The following MUC17 variants were observed in gnomAD, a reference collection of about 807,000 sequenced individuals.
The protein encoded by MUC17 is mucin 17, cell surface associated.
A neutral mutation model predicts 170.3 loss-of-function variants in MUC17; 190 were observed. That is an observed-to-expected ratio of 1.12 (90% CI 0.99 to 1.26). MUC17 has a LOEUF of 1.26. MUC17 is among the 50% of genes most tolerant of loss of function. The pLI is 0.00. For synonymous variants in MUC17, 2,325 were observed against 2,002.5 expected (o/e 1.16, Z -4.30); for missense variants, 6,415 against 5,530.0 (o/e 1.16, Z -5.08).
Position 101,041,446 on chromosome 7 carries a change from A to T in MUC17, c.10030A>T (p.Asn3344Tyr). 6.2e-7 allele frequency: 1 copy of T among 1,613,750 alleles called. No homozygotes were observed. The highest frequency in any genetic ancestry group is 8.5e-7 in the Non-Finnish European group (1 of 1,179,934). Residue 3344 changes from asparagine (N) to tyrosine (Y), a missense_variant, in exon 3 of 13, where the codon AAT (asparagine) becomes TAT (tyrosine). Asn to Tyr is a moderately radical substitution (Grantham distance 143, BLOSUM62 -2). Transcript: ENST00000306151. The stretch of plus-strand genomic sequence containing the variant: ...TAGTGAAGGAAGCACTCCACTAACA[A>T]ATATGTCTTTCAGCACCACGCCAGT... ...TYSEGSTPLT[N>Y]MSFSTTPVVS...
Position 101,042,304 on chromosome 7 carries a change from C to G in MUC17, c.10888C>G (p.Pro3630Ala). The G allele has an allele frequency of 6.2e-7, 1 of 1,612,276 alleles. No individual in the cohort carries two copies. The highest frequency in any genetic ancestry group is 2.2e-5 in the East Asian group (1 of 44,694). Residue 3630 changes from proline (P) to alanine (A), a missense_variant, in exon 3 of 13, where the codon CCT (proline) becomes GCT (alanine). Physicochemically the swap from Pro to Ala is conservative, Grantham distance 27. Transcript: ENST00000306151. ...AGTTATCACCCTGCCAATGTCAACT[C>G]CTAGTGAAGTAAGCACTCCATTAAC... Reference protein sequence around the residue: ...PEVITLPMSTPSEVSTPLTIM... With the variant: ...PEVITLPMSTASEVSTPLTIM...
In MUC17 at chr7:101,035,782, C is replaced by A. The variant is rs754371182; in HGVS notation, c.4366C>A (p.Pro1456Thr). ...PTSTPSEGKT[P>T]LKSIPVSNTP... ...CTCAACTCCTAGTGAAGGAAAGACT[C>A]CATTAAAAAGTATACCTGTCAGCAA... Residue 1456 changes from proline (P) to threonine (T), a missense_variant, in exon 3 of 13, where the codon CCA (proline) becomes ACA (threonine). Coordinates refer to ENST00000306151, the MANE Select transcript of MUC17 (RefSeq NM_001040105.2). 1 of 1,609,992 alleles carries A rather than the reference C, an allele frequency of 6.2e-7. No homozygotes were observed. The highest frequency in any genetic ancestry group is 1.7e-5 in the Admixed American group (1 of 59,718).
At chr7:101,030,544 G>C (rs1794260376) in intron 1 of MUC17, among the ~76,000 whole-genome samples, 1 of 151,896 alleles carries the variant, frequency 6.6e-6, no homozygotes, top group African/African-American at 2.4e-5. Flanking sequence ...TATTCTAATA[G>C]GTCATATTCT....
rs1248502287 is a variant in MUC17 at position 101,039,953 on chromosome 7, A to G, written c.8537A>G (p.Lys2846Arg). 4.1e-5 allele frequency: 66 copies of G among 1,613,360 alleles called. 2 individuals are homozygous for G. Among genetic ancestry groups the G allele is most frequent in the Non-Finnish European group, 5.6e-5 (66 of 1,179,774 alleles). Reference sequence around the variant, plus strand: ...AGCACACCTGTGACCACTTCTACTAAAGCCAGTTCATCTCCTACAACTGCT... The same window carrying G: ...AGCACACCTGTGACCACTTCTACTAGAGCCAGTTCATCTCCTACAACTGCT... Reference protein sequence around the residue: ...DTSTPVTTSTKASSSPTTAEG... With the variant: ...DTSTPVTTSTRASSSPTTAEG... Residue 2846 changes from lysine (K) to arginine (R), a missense_variant, in exon 3 of 13, where the codon AAA becomes AGA. By Grantham distance (26) the Lys-to-Arg change is conservative. Coordinates refer to ENST00000306151, the MANE Select transcript of MUC17 (RefSeq NM_001040105.2).
In MUC17 at chr7:101,042,232, C is replaced by T. The variant is rs765724628; in HGVS notation, c.10816C>T (p.Pro3606Ser). 6.2e-7 allele frequency: 1 copy of T among 1,614,180 alleles called. No individual in the cohort carries two copies. The highest frequency in any genetic ancestry group is 2.2e-5 in the East Asian group (1 of 44,874). ...PSTPSVDRST[P>S]VTTSTQSNST... ...CACTCCTTCTGTTGACAGAAGCACA[C>T]CTGTGACCACTTCTACTCAGAGCAA... The change falls in exon 3 of 13, where the codon CCT becomes TCT. Residue 3606 changes from proline (P) to serine (S), a missense_variant. Transcript: ENST00000306151.
rs754855782 is a variant in MUC17, at chr7:101,040,001, C to A, written c.8585C>A (p.Ser2862Ter). ...GCTGAAGGTATCGTCGTGCCAATCT[C>A]AACTGCTAGTGAAGGAAGTACTCTA... ...TTAEGIVVPISTASEGSTLLT... is the reference protein window; with the variant it reads ...TTAEGIVVPI Residue 2862 changes from serine to a stop codon, truncating the protein, a stop_gained, in exon 3 of 13, where the codon TCA becomes TAA. Transcript: ENST00000306151. LOFTEE classifies it high-confidence loss of function. 1.2e-6 allele frequency: 2 copies of A among 1,613,306 alleles called. No homozygotes were observed. The highest frequency in any genetic ancestry group is 4.5e-5 in the East Asian group (2 of 44,866).
In MUC17 at chr7:101,033,194, C is replaced by T. The variant is rs775324458; in HGVS notation, c.1778C>T (p.Thr593Ile). The stretch of plus-strand genomic sequence containing the variant: ...TCTGAGGCTAGCACCACTTCAACAA[C>T]TCCTGCTGACTCCAACACTTTTGTG... ...VSSEASTTST[T>I]PADSNTFVTT... The change falls in exon 3 of 13, where the codon ACT becomes ATT. Residue 593 changes from threonine to isoleucine, a missense_variant. Physicochemically the swap from Thr to Ile is moderately conservative, Grantham distance 89. Coordinates refer to ENST00000306151, the MANE Select transcript of MUC17 (RefSeq NM_001040105.2). 6 of 1,613,962 alleles carry T rather than the reference C, an allele frequency of 3.7e-6. No individual in the cohort carries two copies. The highest frequency in any genetic ancestry group is 1.3e-5 in the African/African-American group (1 of 74,902).
rs745875181 is a variant in MUC17 at position 101,037,115 on chromosome 7, C to T, written c.5699C>T (p.Thr1900Ile). 1.9e-6 allele frequency: 3 copies of T among 1,586,744 alleles called. No individual in the cohort carries two copies. Among genetic ancestry groups the T allele is most frequent in the Non-Finnish European group, 2.5e-6 (3 of 1,178,706 alleles). The change falls in exon 3 of 13, where the codon ACT becomes ATT. Residue 1900 changes from threonine (T) to isoleucine (I), a missense_variant. By Grantham distance (89) the Thr-to-Ile change is moderately conservative (BLOSUM62 -1). Transcript: ENST00000306151. ...GCTGTCACCAGCACACCTGTGACCA[C>T]TTATGCTCAAGTCAGTTCATCTCCT... ...TPAVTSTPVT[T>I]YAQVSSSPTT...
In MUC17 at chr7:101,048,972, G is replaced by GGTAA; in HGVS notation, c.12663+3_12663+6dup. 1 of 1,614,142 alleles carries GGTAA rather than the reference G, an allele frequency of 6.2e-7. No homozygotes were observed. The highest frequency in any genetic ancestry group is 1.1e-5 in the South Asian group (1 of 91,066). ...AGTTCAAACAGACATTCACGGAACA[G>GGTAA]GTAAGTCTGGGAGAGCAAGGCCCCA... On this transcript the variant is annotated frameshift_variant and splice_region_variant. Transcript: ENST00000306151. LOFTEE classifies it high-confidence loss of function.
At chr7:101,048,625 A>AAAAG (rs977528810) in intron 4 of MUC17, among the ~76,000 whole-genome samples, 1 of 151,984 alleles carries the variant, frequency 6.6e-6, no homozygotes, top group African/African-American at 2.4e-5. Context: ...AAGGAAGGAA[A>AAAAG]AAAGAAAGAA....
chr7:101,021,589 G>A (rs1362465793), intron 1 of MUC17, among the ~76,000 whole-genome samples: 2 of 148,354 alleles, frequency 1.3e-5, no homozygotes, highest in Non-Finnish European at 3.0e-5. Flanking sequence ...ACCTCTCCTT[G>A]GCCCCTTCCT....
In MUC17 at chr7:101,032,378, G is replaced by A. The variant is rs1158429950; in HGVS notation, c.962G>A (p.Gly321Asp). The change falls in exon 3 of 13, where the codon GGC (glycine) becomes GAC (aspartate). Residue 321 changes from glycine (G) to aspartate (D), a missense_variant. Physicochemically the swap from Gly to Asp is moderately conservative, Grantham distance 94. Coordinates refer to ENST00000306151, the MANE Select transcript of MUC17 (RefSeq NM_001040105.2). ...AGTTCATCTCCTACAACGGCTGAAG[G>A]CACCAGCATACCAACCTCAACTTAT... Reference protein sequence around the residue: ...EASSSPTTAEGTSIPTSTYTE... With the variant: ...EASSSPTTAEDTSIPTSTYTE... 1 of 1,611,758 alleles carries A rather than the reference G, an allele frequency of 6.2e-7. No homozygotes were observed. The highest frequency in any genetic ancestry group is 1.7e-5 in the Admixed American group (1 of 59,746).
chr7:101,027,383 T>G (rs1468827852), intron 1 of MUC17, among the ~76,000 whole-genome samples: 1 of 151,924 alleles, frequency 6.6e-6, no homozygotes, highest in Non-Finnish European at 1.5e-5. Flanking sequence ...CCACCGCCCC[T>G]TGGTCCCCTA....
At position 101,049,359 on chromosome 7, in the gene MUC17, C is replaced by T. The variant is rs142156590; in HGVS notation, c.12699C>T (p.Val4233=). 4.2e-5 allele frequency: 68 copies of T among 1,613,272 alleles called. No homozygotes were observed. Among genetic ancestry groups the T allele is most frequent in the African/African-American group, 5.3e-5 (4 of 74,866 alleles). Residue 4233 remains valine, a synonymous_variant, in exon 6 of 13, where the codon GTC becomes GTT. Transcript: ENST00000306151. ...NIVYSGIPEY[V]GVNITKLRLG... The stretch of plus-strand genomic sequence containing the variant: ...TGTATTCCGGGATCCCTGAGTATGT[C>T]GGGGTGAACATCACAAAGCTACGGT...
Position 101,034,125 on chromosome 7 carries a change from T to C in MUC17, c.2709T>C (p.Arg903=). 1.3e-6 allele frequency: 2 copies of C among 1,584,562 alleles called. No homozygotes were observed. The highest frequency in any genetic ancestry group is 1.7e-6 in the Non-Finnish European group (2 of 1,164,612). The change falls in exon 3 of 13, where the codon CGT becomes CGC. Residue 903 remains arginine (R), a synonymous_variant. Transcript: ENST00000306151. ...STPVTNSTEA[R]SSPTTSEGTS... ...CTGTGACCAATTCTACTGAAGCCCG[T>C]TCGTCTCCTACAACTTCTGAAGGTA...
chr7:101,046,487 GT>G (rs1396514667), intron 3 of MUC17, among the ~76,000 whole-genome samples: 1 of 152,176 alleles, frequency 6.6e-6, no homozygotes, highest in Admixed American at 6.5e-5. Context: ...TTAAAAAGGA[GT>G]TGTTAGGCTG....
In MUC17 at chr7:101,039,332, T is replaced by G; in HGVS notation, c.7916T>G (p.Leu2639Arg). The G allele has an allele frequency of 6.3e-7, 1 of 1,585,948 alleles. No homozygotes were observed. The highest frequency in any genetic ancestry group is 8.6e-7 in the Non-Finnish European group (1 of 1,167,598). The change falls in exon 3 of 13, where the codon CTT (leucine) becomes CGT (arginine). Residue 2639 changes from leucine to arginine, a missense_variant. Transcript: ENST00000306151. ...SEVSTSLTSI[L>R]VSTMPVASSE... ...GTAAGTACTTCATTAACAAGTATAC[T>G]TGTCAGCACCATGCCAGTGGCCAGT...
Position 101,039,650 on chromosome 7 carries a change from C to T in MUC17, c.8234C>T (p.Thr2745Ile), listed in dbSNP as rs1356216636. The T allele has an allele frequency of 6.2e-7, 1 of 1,612,880 alleles. No homozygotes were observed. The highest frequency in any genetic ancestry group is 1.1e-5 in the South Asian group (1 of 91,032). Residue 2745 changes from threonine to isoleucine, a missense_variant, in exon 3 of 13, where the codon ACT becomes ATT. By Grantham distance (89) the Thr-to-Ile change is moderately conservative (BLOSUM62 -1). Coordinates refer to ENST00000306151, the MANE Select transcript of MUC17 (RefSeq NM_001040105.2). ...TAEGTSMRIS[T>I]PSDGSTPLTS... Reference sequence around the variant, plus strand: ...GAAGGTACCAGCATGCGAATCTCAACTCCTAGTGATGGAAGTACTCCATTA... The same window carrying T: ...GAAGGTACCAGCATGCGAATCTCAATTCCTAGTGATGGAAGTACTCCATTA...
chr7:101,050,734 G>A (rs887007926), intron 7 of MUC17, 99 bp downstream of exon 7: 61 of 1,479,900 alleles, frequency 4.1e-5, no homozygotes, highest in Admixed American at 6.3e-5. Context: ...TGGTTAATGG[G>A]TGGGTGCAAG....
Sources: allele counts gnomAD v4.1 joint callset (sites outside exome capture counted in the v4.1 genomes callset), GRCh38; gene constraint gnomAD v4.1.1; transcripts MANE v1.5; gene names NCBI Gene and HGNC (gene_info 2026-07-23, HGNC 2026-07-21).